Variants in NCKAP5 observed in about 807,000 individuals in gnomAD.
The protein encoded by NCKAP5 is NCK associated protein 5.
Under a neutral mutation model 167.0 loss-of-function variants are expected in NCKAP5, and 92 were observed. The observed-to-expected ratio is 0.55, with a 90% CI of 0.47 to 0.66. The LOEUF (loss-of-function observed/expected upper bound fraction) is 0.66. Ranked by LOEUF, NCKAP5 falls within the 30% of genes least tolerant of loss-of-function variation. The probability of loss-of-function intolerance (pLI) is 0.00; values close to 1 mark genes in which losing one functional copy is unlikely to be tolerated. For synonymous variants in NCKAP5, 891 were observed against 877.4 expected (o/e 1.02, Z -0.27); for missense variants, 2,378 against 2,315.0 (o/e 1.03, Z -0.56).
At chr2:132,991,431 C>T (rs1238943806) in intron 7 of NCKAP5, among the ~76,000 whole-genome samples, 8 of 152,108 alleles carry the variant, frequency 5.3e-5, no homozygotes, top group African/African-American at 1.9e-4. Flanking sequence ...ATAGTGGGAC[C>T]GTCTCAGTTG....
intron 5 of NCKAP5, among the ~76,000 whole-genome samples, chr2:133,199,357 T>C (rs1011165056): frequency 7.9e-5 from 12 of 152,046 alleles, no homozygotes; most frequent in Admixed American, 4.6e-4. Context: ...AAGAGACTTA[T>C]ATTCAAAATA....
chr2:133,116,419 C>T (rs1432085704), intron 6 of NCKAP5, among the ~76,000 whole-genome samples: 1 of 75,322 alleles, frequency 1.3e-5, no homozygotes, highest in Admixed American at 1.8e-4. Flanking sequence ...ACCCGGGAGG[C>T]GGAGCTTGCA....
chr2:132,673,121 C>T lies in NCKAP5; in HGVS notation c.*168G>A. On this transcript the variant is annotated 3_prime_UTR_variant, in exon 20 of 20. Transcript: ENST00000409261. ...GTTGTCTACCCCAGGCCTATCTGAA[C>T]TACTCAAAGATGTCTCTTCATTTTT... 7.6e-7 allele frequency: 1 copy of T among 1,324,368 alleles called. No homozygotes were observed. Among genetic ancestry groups the T allele is most frequent in the Admixed American group, 3.8e-5 (1 of 26,474 alleles). 82.0% of individuals were successfully genotyped at this position (1,324,368 alleles called of 1,614,324 possible).
chr2:133,529,346 G>A (rs578134504), intron 2 of NCKAP5, among the ~76,000 whole-genome samples: 38 of 152,004 alleles, frequency 2.5e-4, no homozygotes, highest in African/African-American at 9.2e-4. Flanking sequence ...TTCTATATAA[G>A]TGGCATTGAC....
chr2:133,508,934 A>G (rs1321002463), intron 3 of NCKAP5, among the ~76,000 whole-genome samples: 1 of 152,236 alleles, frequency 6.6e-6, no homozygotes, highest in Non-Finnish European at 1.5e-5. Context: ...AAAGGCTTTC[A>G]AAATGTGTCC....
chr2:133,118,668 T>C (rs962989538), intron 6 of NCKAP5: 1 of 152,184 alleles, frequency 6.6e-6, no homozygotes, highest in South Asian at 2.1e-4. Flanking sequence ...GTGAGTAAAG[T>C]AGAATATTAT....
intron 4 of NCKAP5, among the ~76,000 whole-genome samples, chr2:133,238,749 T>G (rs185122948): frequency 6.6e-6 from 1 of 152,234 alleles, no homozygotes; most frequent in African/African-American, 2.4e-5. Context: ...CATGAAGACA[T>G]GTTCCACAGG....
intron 7 of NCKAP5, among the ~76,000 whole-genome samples, chr2:132,969,754 C>G (rs2076777877): frequency 6.6e-6 from 1 of 151,580 alleles, no homozygotes; most frequent in Admixed American, 6.6e-5. Context: ...GAGTTTAAAG[C>G]TGCTCTGATG....
chr2:133,138,894 C>T (rs771989488), intron 5 of NCKAP5, among the ~76,000 whole-genome samples: 1 of 152,146 alleles, frequency 6.6e-6, no homozygotes, highest in Non-Finnish European at 1.5e-5. Context: ...GCTCCTACCC[C>T]CTGCATGAGC....
intron 3 of NCKAP5, among the ~76,000 whole-genome samples, chr2:133,334,614 G>A (rs1049021281): frequency 9.2e-5 from 14 of 152,018 alleles, no homozygotes; most frequent in South Asian, 2.1e-4. Context: ...CCATTTCTCC[G>A]TATATGCATA....
chr2:132,908,675 G>A (rs1030401731), intron 8 of NCKAP5, among the ~76,000 whole-genome samples: 2 of 152,100 alleles, frequency 1.3e-5, no homozygotes, highest in Non-Finnish European at 2.9e-5. Context: ...GTTTACTATA[G>A]TCCACTGTTG....
chr2:133,138,268 T>C (rs1033095989), intron 5 of NCKAP5, among the ~76,000 whole-genome samples: 2 of 152,092 alleles, frequency 1.3e-5, no homozygotes, highest in African/African-American at 2.4e-5. Context: ...CACGTGGAGA[T>C]TGATATGCAC....
the NCKAP5 span, among the ~76,000 whole-genome samples, chr2:133,611,921 T>G: frequency 6.6e-6 from 1 of 152,210 alleles, no homozygotes; most frequent in East Asian, 1.9e-4. Context: ...AATATGGATG[T>G]ACTTTGGACC....
chr2:132,964,539 A>G (rs1440700797), intron 7 of NCKAP5, among the ~76,000 whole-genome samples: 1 of 152,184 alleles, frequency 6.6e-6, no homozygotes, highest in Non-Finnish European at 1.5e-5. Context: ...GTTGAGAAGT[A>G]CTAAGTTAAG....
chr2:132,697,416 T>C lies in NCKAP5; in HGVS notation c.5714-24111A>G, dbSNP rs536271136. Among the ~76,000 whole-genome samples the C allele has an allele frequency of 1.8e-3, 275 of 152,380 alleles. 1 individual carries two copies. Among genetic ancestry groups the C allele is most frequent in the Non-Finnish European group, 2.5e-3 (169 of 68,036 alleles). ...CATCTTTGTCATTCTTCACTACTAA[T>C]AGTGCTGAGCTCTCAAAGGGGATGT... On this transcript the variant is annotated intron_variant, in intron 19 of 19. Transcript: ENST00000409261.
intron 16 of NCKAP5, among the ~76,000 whole-genome samples, chr2:132,738,328 C>T (rs369465385): frequency 1.6e-4 from 24 of 152,270 alleles, no homozygotes; most frequent in Middle Eastern, 3.4e-3. Flanking sequence ...AGTCCCTGTG[C>T]CAGTACACAG....
chr2:133,153,742 GCCTTCC>G (rs2083462873), intron 5 of NCKAP5, among the ~76,000 whole-genome samples: 1 of 146,520 alleles, frequency 6.8e-6, no homozygotes, highest in South Asian at 2.1e-4. Context: ...GTCCTAGAAT[GCCTTCC>G]CCTCCCAACA....
At chr2:132,909,939 A>T (rs1052771328) in intron 8 of NCKAP5, among the ~76,000 whole-genome samples, 2 of 152,334 alleles carry the variant, frequency 1.3e-5, no homozygotes, top group Non-Finnish European at 2.9e-5. Flanking sequence ...TTTAATATTC[A>T]CAGTAAACCT....
At chr2:133,417,141 G>T (rs1342176367) in intron 3 of NCKAP5, among the ~76,000 whole-genome samples, 2 of 147,452 alleles carry the variant, frequency 1.4e-5, no homozygotes, top group African/African-American at 2.5e-5. Context: ...AAAAAAAAAG[G>T]CAGTGTTTTG....
Sources: allele counts gnomAD v4.1 joint callset (sites outside exome capture counted in the v4.1 genomes callset), GRCh38; gene constraint gnomAD v4.1.1; transcripts MANE v1.5; gene names NCBI Gene and HGNC (gene_info 2026-07-23, HGNC 2026-07-21).